Variants in MYT1 observed in about 807,000 individuals in gnomAD.
MYT1 encodes myelin transcription factor 1.
MYT1 carries 23 observed loss-of-function variants against 123.0 expected under a neutral mutation model. The ratio of observed to expected loss-of-function variants is 0.19; its 90% CI spans 0.13 to 0.26. MYT1 has a LOEUF of 0.26. Ranked by LOEUF, MYT1 falls within the 10% of genes least tolerant of loss-of-function variation. The probability of loss-of-function intolerance (pLI) is 1.00; values close to 1 mark genes in which losing one functional copy is unlikely to be tolerated. For synonymous variants in MYT1, 518 were observed against 575.3 expected (o/e 0.90, Z 1.43); for missense variants, 1,125 against 1,472.5 (o/e 0.76, Z 3.86).
chr20:64,207,605 G>A lies in MYT1; in HGVS notation c.409G>A (p.Val137Ile), dbSNP rs117661126. Residue 137 changes from valine to isoleucine, a missense_variant, in exon 7 of 23, where the codon GTC (valine) becomes ATC (isoleucine). Physicochemically the swap from Val to Ile is conservative, Grantham distance 29 (BLOSUM62 3). Coordinates refer to ENST00000328439, the MANE Select transcript of MYT1 (RefSeq NM_004535.3). ...RPETAEGRSP[V>I]KSHFGSNPIG... ...TTGATTTTGTGCAGGAAGGAGCCCC[G>A]TCAAGTCCCATTTTGGATCCAACCC... 5,643 of 1,612,942 alleles carry A rather than the reference G, an allele frequency of 3.5e-3. 187 individuals are homozygous for A. The highest frequency in any genetic ancestry group is 2.5e-3 in the East Asian group (114 of 44,848).
rs1982963090 is a variant in MYT1 at position 64,191,309 on chromosome 20, C to CAGGT, written c.-1+1149_-1+1150insAGGT. 6.6e-6 allele frequency among the ~76,000 whole-genome samples: 1 copy of CAGGT among 152,238 alleles called. No individual in the cohort carries two copies. The highest frequency in any genetic ancestry group is 2.4e-5 in the African/African-American group (1 of 41,462). Reference sequence around the variant, plus strand: ...GTGACATCACATGTGCTTACAGCCACTGTTCTCCACCACCAACCCTCTAAT... The same window carrying CAGGT: ...GTGACATCACATGTGCTTACAGCCACAGGTTGTTCTCCACCACCAACCCTCTAAT... On this transcript the variant is annotated intron_variant, in intron 2 of 22. Transcript: ENST00000328439. This position sits in a 1 kb window ranked among gnomAD's most constrained non-coding sequence, Gnocchi z 4.1.
chr20:64,196,140 T>C lies in MYT1; in HGVS notation c.1-2722T>C, dbSNP rs1247992114. ...TGGGTTGCGCAAAAAAGGGACCTGG[T>C]TGGCTTGTGTTTGGAACAAGTAAAG... On this transcript the variant is annotated intron_variant, in intron 2 of 22. Transcript: ENST00000328439. This position sits in a 1 kb window ranked among gnomAD's most constrained non-coding sequence, Gnocchi z 4.3. Among the ~76,000 whole-genome samples the C allele has an allele frequency of 6.6e-6, 1 of 152,198 alleles. No homozygotes were observed. Among genetic ancestry groups the C allele is most frequent in the Non-Finnish European group, 1.5e-5 (1 of 68,038 alleles).
In MYT1 at chr20:64,227,907, G is replaced by A. The variant is rs1167406084; in HGVS notation, c.2611G>A (p.Ala871Thr). 6.2e-7 allele frequency: 1 copy of A among 1,613,610 alleles called. No homozygotes were observed. The highest frequency in any genetic ancestry group is 8.5e-7 in the Non-Finnish European group (1 of 1,179,852). The stretch of plus-strand genomic sequence containing the variant: ...AATCAGCTTGTCCGGCTGCCCTCGT[G>A]CAAAGAAAAGTGGAGTCAAGGTGGC... The part of the protein sequence containing the change: ...SHRSLSGCPR[A>T]KKSGVKVAPT... The change falls in exon 18 of 23, where the codon GCA (alanine) becomes ACA (threonine). Residue 871 changes from alanine to threonine, a missense_variant. Ala to Thr is a moderately conservative substitution (Grantham distance 58). This residue lies in a region of MYT1 where 47 missense variants were observed against 113.1 expected (regional missense o/e 0.42). Coordinates refer to ENST00000328439, the MANE Select transcript of MYT1 (RefSeq NM_004535.3).
rs139617357 is a variant in MYT1 at position 64,179,881 on chromosome 20, TACAC to T, written c.-98-10177_-98-10174del. ...ATACTACACACAGGCTACACACAGT[TACAC>T]ACACGCTACACAGTTACATGCATGC... On this transcript the variant is annotated intron_variant, in intron 1 of 22. Transcript: ENST00000328439. 5.2e-4 allele frequency among the ~76,000 whole-genome samples: 78 copies of T among 150,796 alleles called. 1 individual carries two copies. The East Asian group carries it at 0.014, about 26-fold the overall frequency.
rs187093726 is a variant in MYT1 at position 64,196,962 on chromosome 20, T to C, written c.1-1900T>C. The stretch of plus-strand genomic sequence containing the variant: ...ACCGCACAAGTCCCATTGTACGTCC[T>C]GCATCGGAAGGCATTGCACACGGGC... On this transcript the variant is annotated intron_variant, in intron 2 of 22. Transcript: ENST00000328439. The surrounding 1 kb of genome is among the most constrained non-coding windows in gnomAD (Gnocchi z 4.3). Among the ~76,000 whole-genome samples, 61 of 152,394 alleles carry C rather than the reference T, an allele frequency of 4.0e-4. No homozygotes were observed. Among genetic ancestry groups the C allele is most frequent in the Non-Finnish European group, 2.1e-4 (14 of 68,048 alleles).
At chr20:64,211,494 C>T (rs1156673566) in intron 8 of MYT1, among the ~76,000 whole-genome samples, 154 bp downstream of exon 8, 1 of 152,214 alleles carries the variant, frequency 6.6e-6, no homozygotes. Context: ...CCCCGCTTTC[C>T]CCCACAAACT....
intron 1 of MYT1, among the ~76,000 whole-genome samples, chr20:64,170,853 A>G (rs1282366380): frequency 3.6e-5 from 1 of 27,658 alleles, no homozygotes; most frequent in Non-Finnish European, 6.1e-5. Context: ...TTGGTCATAT[A>G]TATATATATA....
chr20:64,204,753 T>G (rs1416335465), intron 4 of MYT1, among the ~76,000 whole-genome samples: 3 of 152,200 alleles, frequency 2.0e-5, no homozygotes, highest in Non-Finnish European at 4.4e-5. Context: ...GGAAACCTGG[T>G]GGCAGCTAGT....
chr20:64,200,035 C>T, intron 4 of MYT1, 113 bp downstream of exon 4: 2 of 1,250,942 alleles, frequency 1.6e-6, no homozygotes, highest in Non-Finnish European at 2.3e-6. Flanking sequence ...CCCTGGTGAG[C>T]CCCTGCTTTC....
chr20:64,226,755 G>T (rs1004195542), intron 16 of MYT1, among the ~76,000 whole-genome samples: 6 of 152,276 alleles, frequency 3.9e-5, no homozygotes, highest in Admixed American at 3.3e-4. Context: ...AGTTTTGGGT[G>T]TGTAAAGTTG....
Position 64,193,467 on chromosome 20 carries a change from G to A in MYT1, c.-1+3307G>A, listed in dbSNP as rs936371372. Among the ~76,000 whole-genome samples, 8 of 152,100 alleles carry A rather than the reference G, an allele frequency of 5.3e-5. No homozygotes were observed. The highest frequency in any genetic ancestry group is 2.0e-4 in the Admixed American group (3 of 15,290). On this transcript the variant is annotated intron_variant, in intron 2 of 22. Coordinates refer to ENST00000328439, the MANE Select transcript of MYT1 (RefSeq NM_004535.3). The surrounding 1 kb of genome is among the most constrained non-coding windows in gnomAD (Gnocchi z 4.0). Reference sequence around the variant, plus strand: ...GGGAGCTTGGATCTTCCACAATACTGTCTGCTGTAATGGCTTCACAGCAGT... The same window carrying A: ...GGGAGCTTGGATCTTCCACAATACTATCTGCTGTAATGGCTTCACAGCAGT...
intron 17 of MYT1, 114 bp from the exon 18 acceptor site, chr20:64,227,774 T>TACCAA: frequency 1.2e-6 from 1 of 864,490 alleles, no homozygotes; most frequent in Non-Finnish European, 1.8e-6. Context: ...TTGCCCTCAC[T>TACCAA]CCCTCCCACC....
At chr20:64,171,957 C>A (rs1982297474) in intron 1 of MYT1, among the ~76,000 whole-genome samples, 1 of 152,210 alleles carries the variant, frequency 6.6e-6, no homozygotes, top group East Asian at 1.9e-4. Context: ...AATTCCTCTT[C>A]CTGGAGAGCC....
At chr20:64,201,348 G>A (rs568372410) in intron 4 of MYT1, among the ~76,000 whole-genome samples, 1 of 152,264 alleles carries the variant, frequency 6.6e-6, no homozygotes, top group South Asian at 2.1e-4. Flanking sequence ...GAGCCTTGTG[G>A]TCTCAACTGA....
Position 64,208,191 on chromosome 20 carries a change from A to C in MYT1, c.995A>C (p.Glu332Ala). 1 of 1,613,856 alleles carries C rather than the reference A, an allele frequency of 6.2e-7. No individual in the cohort carries two copies. The change falls in exon 7 of 23, where the codon GAA (glutamate) becomes GCA (alanine). Residue 332 changes from glutamate (E) to alanine (A), a missense_variant. Around this residue, in one of 4 missense-constraint regions of MYT1, gnomAD observed 406 missense variants for 432.2 expected, o/e 0.94. Transcript: ENST00000328439. This position sits in a 1 kb window ranked among gnomAD's most constrained non-coding sequence, Gnocchi z 5.4. ...AQKAPELRGP[E>A]SPSPKPEYSV... Reference sequence around the variant, plus strand: ...AAGGCCCCTGAGCTCCGGGGCCCAGAATCACCCAGTCCCAAGCCTGAGTAC... The same window carrying C: ...AAGGCCCCTGAGCTCCGGGGCCCAGCATCACCCAGTCCCAAGCCTGAGTAC...
At position 64,232,334 on chromosome 20, in the gene MYT1, C is replaced by G. The variant is rs1318392943; in HGVS notation, c.2846C>G (p.Pro949Arg). Residue 949 changes from proline (P) to arginine (R), a missense_variant, in exon 19 of 23, where the codon CCG (proline) becomes CGG (arginine). Physicochemically the swap from Pro to Arg is moderately radical, Grantham distance 103. Around this residue, in one of 4 missense-constraint regions of MYT1, gnomAD observed 243 missense variants for 323.1 expected, o/e 0.75. Coordinates refer to ENST00000328439, the MANE Select transcript of MYT1 (RefSeq NM_004535.3). This position sits in a 1 kb window ranked among gnomAD's most constrained non-coding sequence, Gnocchi z 6.9. ...LKNEGPTCPT[P>R]GCDGSGHANG... ...AATGAAGGACCGACCTGCCCCACCC[C>G]GGGCTGTGACGGCTCTGGCCACGCC... is the stretch of plus-strand genomic sequence containing the variant. The G allele has an allele frequency of 6.2e-7, 1 of 1,613,010 alleles. No homozygotes were observed. Among genetic ancestry groups the G allele is most frequent in the South Asian group, 1.1e-5 (1 of 91,084 alleles).
intron 19 of MYT1, among the ~76,000 whole-genome samples, chr20:64,235,908 G>A (rs1279309657): frequency 6.8e-6 from 1 of 146,526 alleles, no homozygotes; most frequent in African/African-American, 2.6e-5. Context: ...GGATGGCCGC[G>A]GTGGGTGACC....
rs142112721 is a variant in MYT1, at chr20:64,182,445, C to CA, written c.-98-7617dup. On this transcript the variant is annotated intron_variant, in intron 1 of 22. Coordinates refer to ENST00000328439, the MANE Select transcript of MYT1 (RefSeq NM_004535.3). ...ATGGATAGCTGTGGACACATCCTGA[C>CA]ATAGCACTGGCCGAGGTGGGAGGTG... Among the ~76,000 whole-genome samples, 113 of 152,366 alleles carry CA rather than the reference C, an allele frequency of 7.4e-4. 1 individual carries two copies. In the East Asian group the frequency reaches 0.021, roughly 29 times the overall value.
In MYT1 at chr20:64,227,852, G is replaced by C. The variant is rs201540317; in HGVS notation, c.2592-36G>C. 4.2e-5 allele frequency: 67 copies of C among 1,588,702 alleles called. No homozygotes were observed. In the Admixed American group the frequency reaches 1.1e-3, roughly 26 times the overall value. On this transcript the variant is annotated intron_variant, in intron 17 of 22. Coordinates refer to ENST00000328439, the MANE Select transcript of MYT1 (RefSeq NM_004535.3). ...ACGGGTGTGAGAAGCTGCGGTTCCA[G>C]CACTAAGGTGGCCTTTTTTCCTCTT...
Sources: allele counts gnomAD v4.1 joint callset (sites outside exome capture counted in the v4.1 genomes callset), GRCh38; gene constraint gnomAD v4.1.1; regional missense constraint gnomAD v4.1.1; non-coding constraint Gnocchi (gnomAD v3.1); transcripts MANE v1.5; gene names NCBI Gene and HGNC (gene_info 2026-07-23, HGNC 2026-07-21).